The following FRMD4B variants were observed in gnomAD, a reference collection of about 807,000 sequenced individuals.
FRMD4B encodes the protein FERM domain-containing protein 4B.
FRMD4B carries 74 observed loss-of-function variants against 141.5 expected under a neutral mutation model. The observed-to-expected ratio is 0.52, with a 90% CI of 0.43 to 0.63. The LOEUF (loss-of-function observed/expected upper bound fraction) is 0.63. FRMD4B is among the 30% of genes least tolerant of loss of function. The probability of loss-of-function intolerance (pLI) is 0.00; values close to 1 mark genes in which losing one functional copy is unlikely to be tolerated. For missense variants in FRMD4B, 1,366 were observed against 1,253.4 expected, an observed-to-expected ratio of 1.09 and a Z score of -1.36; for synonymous variants, 506 against 467.9, an observed-to-expected ratio of 1.08 and a Z score of -1.05.
At chr3:69,194,278 T>G (rs1174544714) in intron 16 of FRMD4B, among the ~76,000 whole-genome samples, 1 of 152,256 alleles carries the variant, frequency 6.6e-6, no homozygotes, top group African/African-American at 2.4e-5. Context: ...CACAGCTTCA[T>G]CTTTCAATGC....
intron 7 of FRMD4B, among the ~76,000 whole-genome samples, chr3:69,226,965 A>G (rs9843134): frequency 0.027 from 4,040 of 152,266 alleles, 192 homozygotes; most frequent in African/African-American, 0.093. Context: ...TCCAGCATTC[A>G]GGCATTTAAT....
At chr3:69,193,566 A>G (rs2092864156) in intron 17 of FRMD4B, 82 bp downstream of exon 17, 4 of 726,042 alleles carry the variant, frequency 5.5e-6, no homozygotes, top group South Asian at 5.4e-5. Flanking sequence ...TCTCTCATCA[A>G]CTGGTAACTG....
chr3:69,501,343 C>T (rs906506539), intron 1 of FRMD4B, among the ~76,000 whole-genome samples: 7 of 151,018 alleles, frequency 4.6e-5, no homozygotes, highest in Admixed American at 2.0e-4. Flanking sequence ...TTAGACATCC[C>T]TGGTATATGG....
chr3:69,393,464 T>A lies in FRMD4B; in HGVS notation c.-1+39170A>T, dbSNP rs34302360. ...AGTTATCTGTCTAGATGTAAAAGCATCCAAATGGGAGGATGGTTCCAGGGA... is the reference window on the plus strand; with the variant it reads ...AGTTATCTGTCTAGATGTAAAAGCAACCAAATGGGAGGATGGTTCCAGGGA... On this transcript the variant is annotated intron_variant, in intron 2 of 5. Transcript: ENST00000459638. Among the ~76,000 whole-genome samples the A allele has an allele frequency of 9.7e-3, 1,475 of 152,236 alleles. 11 individuals are homozygous for A. The highest frequency in any genetic ancestry group is 0.027 in the South Asian group (128 of 4,826).
intron 1 of FRMD4B, among the ~76,000 whole-genome samples, chr3:69,372,535 C>T (rs1397167631): frequency 2.6e-5 from 4 of 152,208 alleles, no homozygotes; most frequent in African/African-American, 4.8e-5. Flanking sequence ...CGTGGTGGCA[C>T]GCACCTGTAA....
At chr3:69,217,558 G>A (rs2107732765) in intron 10 of FRMD4B, among the ~76,000 whole-genome samples, 1 of 152,284 alleles carries the variant, frequency 6.6e-6, no homozygotes. Context: ...GGAGGCAGAG[G>A]TTGCAGTGAG....
intron 1 of FRMD4B, among the ~76,000 whole-genome samples, chr3:69,523,905 C>G (rs1700892305): frequency 6.6e-6 from 1 of 152,160 alleles, no homozygotes; most frequent in African/African-American, 2.4e-5. Flanking sequence ...CCAGGGAATC[C>G]CTCTGTGAGG....
intron 1 of FRMD4B, among the ~76,000 whole-genome samples, chr3:69,358,919 A>G (rs1703397232): frequency 6.6e-6 from 1 of 152,142 alleles, no homozygotes. Context: ...GCCTTCAGCC[A>G]TGGGATGACC....
At chr3:69,370,388 G>C (rs1030292150) in intron 1 of FRMD4B, among the ~76,000 whole-genome samples, 4 of 152,176 alleles carry the variant, frequency 2.6e-5, no homozygotes, top group African/African-American at 9.7e-5. Flanking sequence ...CAAGGTCCCC[G>C]CCCTGGGCTG....
intron 11 of FRMD4B, chr3:69,200,938 T>TC (rs1281390767): frequency 4.5e-6 from 2 of 442,854 alleles, no homozygotes; most frequent in Non-Finnish European, 9.1e-6. Context: ...AGTCACCACC[T>TC]CCCCCTCTTA....
At chr3:69,426,824 A>G (rs577160183) in intron 2 of FRMD4B, among the ~76,000 whole-genome samples, 1 of 152,312 alleles carries the variant, frequency 6.6e-6, no homozygotes, top group East Asian at 1.9e-4. Flanking sequence ...GGCTGAGATG[A>G]CAGAAAGGCC....
intron 1 of FRMD4B, among the ~76,000 whole-genome samples, chr3:69,436,308 C>T (rs1377655080): frequency 2.6e-5 from 4 of 152,084 alleles, no homozygotes; most frequent in Non-Finnish European, 4.4e-5. Flanking sequence ...GTAGGTGTTA[C>T]GGATCAATCA....
chr3:69,325,632 T>C (rs1702166233), intron 1 of FRMD4B, among the ~76,000 whole-genome samples: 1 of 152,174 alleles, frequency 6.6e-6, no homozygotes, highest in Admixed American at 6.5e-5. Flanking sequence ...AATCTCAGTT[T>C]CTGCCCCTAT....
chr3:69,472,925 CTTTTTTTTTTTTCTTTT>C (rs1283174221), intron 1 of FRMD4B, among the ~76,000 whole-genome samples: 2 of 90,916 alleles, frequency 2.2e-5, no homozygotes, highest in African/African-American at 4.8e-5. Context: ...GTGAGTCTTT[CTTTTTTTTTTTTCTTTT>C]TTTTTTTTTT....
intron 7 of FRMD4B, chr3:69,228,437 G>A: frequency 4.4e-6 from 2 of 456,898 alleles, no homozygotes; most frequent in South Asian, 3.1e-5. Flanking sequence ...GGGACACTGA[G>A]ATATGGTGTG....
rs1345181920 is a variant in FRMD4B, at chr3:69,169,123, G to A, written c.*2738C>T. On this transcript the variant is annotated 3_prime_UTR_variant, in exon 23 of 23. Transcript: ENST00000398540. ...TAACTATTATATCTGAGAGTGTTCG[G>A]CTAATGGGCACGATTATGTTTTTGT... Among the ~76,000 whole-genome samples, 1 of 151,874 alleles carries A rather than the reference G, an allele frequency of 6.6e-6. No homozygotes were observed. The highest frequency in any genetic ancestry group is 1.9e-4 in the East Asian group (1 of 5,176).
intron 1 of FRMD4B, among the ~76,000 whole-genome samples, chr3:69,519,129 C>T (rs1453257270): frequency 6.6e-6 from 1 of 152,116 alleles, no homozygotes; most frequent in Non-Finnish European, 1.5e-5. Context: ...TTAACTTCAG[C>T]CCCTTTGAGT....
intron 5 of FRMD4B, among the ~76,000 whole-genome samples, chr3:69,285,056 G>A (rs1462293897): frequency 1.3e-5 from 2 of 152,140 alleles, no homozygotes; most frequent in Admixed American, 6.5e-5. Context: ...CCAGCTACTC[G>A]GGAGGCTGAG....
chr3:69,295,872 A>G (rs1701018233), intron 4 of FRMD4B, among the ~76,000 whole-genome samples: 1 of 151,994 alleles, frequency 6.6e-6, no homozygotes, highest in African/African-American at 2.4e-5. Flanking sequence ...GCTGCAGTGC[A>G]ATGGCGTGAT....
Sources: gnomAD v4.1 joint callset for allele counts (sites outside exome capture counted in the v4.1 genomes callset) on GRCh38, gnomAD v4.1.1 for gene constraint, MANE v1.5 for transcripts, NCBI Gene and HGNC (gene_info 2026-07-23, HGNC 2026-07-21) for gene names.